The following LRP1 variants were observed in gnomAD, a reference collection of about 807,000 sequenced individuals.
LRP1 encodes the protein LDL receptor related protein 1, also known as prolow-density lipoprotein receptor-related protein 1.
A neutral mutation model predicts 541.5 loss-of-function variants in LRP1; 51 were observed. That is an observed-to-expected ratio of 0.09 (90% confidence interval 0.08 to 0.12). The LOEUF (loss-of-function observed/expected upper bound fraction) is 0.12, where lower values mean the gene tolerates loss of function less well. LRP1 is among the 10% of genes least tolerant of loss of function. The probability of loss-of-function intolerance (pLI) is 1.00; values close to 1 mark genes in which losing one functional copy is unlikely to be tolerated. For missense variants in LRP1, 3,878 were observed against 6,376.2 expected, an observed-to-expected ratio of 0.61 and a Z score of 13.34; for synonymous variants, 2,219 against 2,470.8, an observed-to-expected ratio of 0.90 and a Z score of 3.02.
At chr12:57,146,474 G>C (rs140261544) in intron 6 of LRP1, 1 of 152,348 alleles carries the variant, frequency 6.6e-6, no homozygotes, top group East Asian at 1.9e-4. Context: ...TGAGGATTGT[G>C]AACCTTGGGC....
rs948372663 is a variant in LRP1, at chr12:57,191,140, C to T, written c.7236+131C>T. 9 of 1,136,824 alleles carry T rather than the reference C, an allele frequency of 7.9e-6. No individual in the cohort carries two copies. In the Admixed American group the frequency reaches 1.7e-4, roughly 21 times the overall value. 70.4% of individuals were successfully genotyped at this position (1,136,824 alleles called of 1,614,324 possible). A position where few individuals can be genotyped will look rare whatever the true frequency, so the allele number is the denominator to read the frequency against. On this transcript the variant is annotated intron_variant, in intron 43 of 88. Transcript: ENST00000243077. ...GGAGGAGGTGAGTGCCTCCAGGCCC[C>T]AGCCTCGGTCAACCCCACCCTGTCC...
chr12:57,164,647 G>A (rs1431934062), intron 15 of LRP1: 2 of 152,158 alleles, frequency 1.3e-5, no homozygotes, highest in Non-Finnish European at 2.9e-5. Context: ...AAAAACTGAG[G>A]CCCAAAGTTA....
chr12:57,181,967 G>T (rs550847805), intron 34 of LRP1, among the ~76,000 whole-genome samples: 1 of 152,308 alleles, frequency 6.6e-6, no homozygotes, highest in South Asian at 2.1e-4. Context: ...TTTACCAAAA[G>T]AAACTCTGAG....
Position 57,197,195 on chromosome 12 carries a change from G to T in LRP1, c.9076+30G>T, listed in dbSNP as rs1175433019. 6.2e-7 allele frequency: 1 copy of T among 1,613,840 alleles called. No homozygotes were observed. On this transcript the variant is annotated intron_variant, in intron 56 of 88. Transcript: ENST00000243077. The surrounding 1 kb of genome is among the most constrained non-coding windows in gnomAD (Gnocchi z 4.5). ...GATGCGCGCTTGGAGGGCATGAGGT[G>T]ACCCAGGCTGTGTGGGACTGCCCGG...
chr12:57,181,375 T>C lies in LRP1; in HGVS notation c.5662+84T>C, dbSNP rs1592638288. On this transcript the variant is annotated intron_variant, in intron 34 of 88. Transcript: ENST00000243077. Reference sequence around the variant, plus strand: ...CCCTACAGCCCCACCTTCCTCTTCTTACCTTGGGGACAAGACTACATTCGT... The same window carrying C: ...CCCTACAGCCCCACCTTCCTCTTCTCACCTTGGGGACAAGACTACATTCGT... 8.0e-6 allele frequency: 12 copies of C among 1,491,806 alleles called. No homozygotes were observed. In the East Asian group the frequency reaches 2.7e-4, roughly 34 times the overall value. 92.4% of individuals were successfully genotyped at this position (1,491,806 alleles called of 1,614,324 possible). A position where few individuals can be genotyped will look rare whatever the true frequency, so the allele number is the denominator to read the frequency against.
chr12:57,176,149 C>A, intron 24 of LRP1, 43 bp downstream of exon 24: 1 of 1,601,238 alleles, frequency 6.2e-7, no homozygotes, highest in Non-Finnish European at 8.5e-7. Context: ...ACAGGCGGAG[C>A]GCTCAGGCGC....
intron 31 of LRP1, 27 bp from the exon 32 acceptor site, chr12:57,180,303 C>A (rs750335859): frequency 6.2e-7 from 1 of 1,612,698 alleles, no homozygotes; most frequent in Non-Finnish European, 8.5e-7. Context: ...GGGCCAGACT[C>A]CCCGGCAGTG....
rs1279660671 is a variant in LRP1 at position 57,184,150 on chromosome 12, C to T, written c.5995C>T (p.Arg1999Cys). ...GGTCGCCCGGCTCAATGGCTCCTTC[C>T]GCTACGTGGTGATCTCCCAGGGTCT... ...IEVARLNGSF[R>C]YVVISQGLDK... is the part of the protein sequence containing the mutation. Residue 1999 changes from arginine to cysteine, a missense_variant, in exon 37 of 89, where the codon CGC becomes TGC. By Grantham distance (180) the Arg-to-Cys change is radical. This residue lies in a region of LRP1 where 394 missense variants were observed against 635.9 expected (regional missense o/e 0.62). Coordinates refer to ENST00000243077, the MANE Select transcript of LRP1 (RefSeq NM_002332.3). The surrounding 1 kb of genome is among the most constrained non-coding windows in gnomAD (Gnocchi z 7.8). 1.9e-6 allele frequency: 3 copies of T among 1,614,012 alleles called. No individual in the cohort carries two copies. Among genetic ancestry groups the T allele is most frequent in the Non-Finnish European group, 2.5e-6 (3 of 1,180,018 alleles).
At chr12:57,207,820 G>A (rs2036817160) in intron 76 of LRP1, among the ~76,000 whole-genome samples, 1 of 152,250 alleles carries the variant, frequency 6.6e-6, no homozygotes, top group Admixed American at 6.5e-5. Flanking sequence ...AATAAAATTA[G>A]GTGATCATCG....
intron 64 of LRP1, 40 bp from the exon 65 acceptor site, chr12:57,200,994 T>C: frequency 6.2e-7 from 1 of 1,613,474 alleles, no homozygotes; most frequent in Non-Finnish European, 8.5e-7. Context: ...TGCCCCTGAG[T>C]CCTCCCTTCG....
chr12:57,178,467 G>A lies in LRP1; in HGVS notation c.4470G>A (p.Glu1490=), dbSNP rs761459479. Residue 1490 remains glutamate (E), a synonymous_variant, in exon 27 of 89, where the codon GAG becomes GAA. Transcript: ENST00000243077. The surrounding 1 kb of genome is among the most constrained non-coding windows in gnomAD (Gnocchi z 5.8). ...HPFAVTLYGG[E]VYWTDWRTNT... ...TTGCAGTGACGCTGTACGGGGGGGA[G>A]GTCTACTGGACTGACTGGCGAACAA... 2.5e-6 allele frequency: 4 copies of A among 1,614,236 alleles called. No individual in the cohort carries two copies. The highest frequency in any genetic ancestry group is 1.1e-5 in the South Asian group (1 of 91,090).
chr12:57,166,283 A>G, intron 17 of LRP1, 74 bp downstream of exon 17: 2 of 1,508,594 alleles, frequency 1.3e-6, no homozygotes, highest in Admixed American at 2.0e-5. Context: ...GGCCAGGTTC[A>G]GTGGCTCATG....
intron 15 of LRP1, among the ~76,000 whole-genome samples, chr12:57,163,843 T>G (rs1285567977): frequency 2.0e-5 from 3 of 152,218 alleles, no homozygotes; most frequent in Non-Finnish European, 4.4e-5. Flanking sequence ...CAAGCCTTGT[T>G]TTTTATTCAA....
chr12:57,179,578 C>T lies in LRP1; in HGVS notation c.4966+22C>T. 6.2e-7 allele frequency: 1 copy of T among 1,603,084 alleles called. No individual in the cohort carries two copies. Among genetic ancestry groups the T allele is most frequent in the South Asian group, 1.1e-5 (1 of 90,752 alleles). ...GCAGGTTCTTCCTGGCCCTGGATGC[C>T]CACCAGTGGACATGGGCACCTCCAC... is the stretch of plus-strand genomic sequence containing the variant. On this transcript the variant is annotated intron_variant, in intron 29 of 88. Coordinates refer to ENST00000243077, the MANE Select transcript of LRP1 (RefSeq NM_002332.3). The surrounding 1 kb of genome is among the most constrained non-coding windows in gnomAD (Gnocchi z 6.8).
In LRP1 at chr12:57,193,607, G is replaced by T; in HGVS notation, c.7726G>T (p.Gly2576Trp). The T allele has an allele frequency of 6.2e-7, 1 of 1,614,202 alleles. No individual in the cohort carries two copies. The highest frequency in any genetic ancestry group is 8.5e-7 in the Non-Finnish European group (1 of 1,180,032). Reference sequence around the variant, plus strand: ...GAAGACTTTCCGGCAGTGCAGCAATGGGCGCTGTGTGTCCAACATGCTGTG... The same window carrying T: ...GAAGACTTTCCGGCAGTGCAGCAATTGGCGCTGTGTGTCCAACATGCTGTG... ...CKKTFRQCSNGRCVSNMLWCN... is the reference protein window; with the variant it reads ...CKKTFRQCSNWRCVSNMLWCN... Residue 2576 changes from glycine to tryptophan, a missense_variant, in exon 47 of 89, where the codon GGG becomes TGG. Physicochemically the swap from Gly to Trp is radical, Grantham distance 184. This residue lies in a region of LRP1 where 1,100 missense variants were observed against 1,827.4 expected (regional missense o/e 0.60). Transcript: ENST00000243077.
At chr12:57,169,037 TG>T (rs1282540432) in intron 19 of LRP1, 102 bp from the exon 20 acceptor site, 2 of 883,256 alleles carry the variant, frequency 2.3e-6, no homozygotes, top group African/African-American at 4.4e-5. Context: ...GGGGTTAGGG[TG>T]GGCTGAGGGT....
At chr12:57,157,608 C>T (rs1314776745) in intron 10 of LRP1, among the ~76,000 whole-genome samples, 1 of 152,154 alleles carries the variant, frequency 6.6e-6, no homozygotes, top group Non-Finnish European at 1.5e-5. Flanking sequence ...GAGACTTCAT[C>T]TCAAAAAATT....
chr12:57,197,701 G>A lies in LRP1; in HGVS notation c.9282+37G>A, dbSNP rs759515297. 11 of 1,600,792 alleles carry A rather than the reference G, an allele frequency of 6.9e-6. No individual in the cohort carries two copies. Among genetic ancestry groups the A allele is most frequent in the African/African-American group, 2.7e-5 (2 of 74,400 alleles). Reference sequence around the variant, plus strand: ...GGCCCTCGGCGACCAACACTGGCCCGCCTCAGATGACTGTTTTCAGATCGT... The same window carrying A: ...GGCCCTCGGCGACCAACACTGGCCCACCTCAGATGACTGTTTTCAGATCGT... On this transcript the variant is annotated intron_variant, in intron 58 of 88. Coordinates refer to ENST00000243077, the MANE Select transcript of LRP1 (RefSeq NM_002332.3). The surrounding 1 kb of genome is among the most constrained non-coding windows in gnomAD (Gnocchi z 4.5).
Position 57,203,224 on chromosome 12 carries a change from C to A in LRP1, c.10755C>A (p.Gly3585=). 1 of 1,610,588 alleles carries A rather than the reference C, an allele frequency of 6.2e-7. No homozygotes were observed. Among genetic ancestry groups the A allele is most frequent in the East Asian group, 2.2e-5 (1 of 44,816 alleles). ...AGAGTGAGTTCTCCTGTGCCAACGG[C>A]CGCTGCATCGCGGGGCGCTGGAAAT... ...CSESEFSCAN[G]RCIAGRWKCD... Residue 3585 remains glycine, a synonymous_variant, in exon 69 of 89, where the codon GGC becomes GGA. Transcript: ENST00000243077.
Sources: gnomAD v4.1 joint callset for allele counts (sites outside exome capture counted in the v4.1 genomes callset) on GRCh38, gnomAD v4.1.1 for gene constraint, gnomAD v4.1.1 regional missense constraint, Gnocchi (gnomAD v3.1) non-coding constraint, MANE v1.5 for transcripts, NCBI Gene and HGNC (gene_info 2026-07-23, HGNC 2026-07-21) for gene names.